Variants in ADGRB3 observed in about 807,000 individuals in gnomAD.
ADGRB3 encodes brain-specific angiogenesis inhibitor 3.
ADGRB3 carries 37 observed loss-of-function variants against 193.4 expected under a neutral mutation model. That is an observed-to-expected ratio of 0.19 (90% CI 0.15 to 0.25). The LOEUF is 0.25. ADGRB3 is among the 10% of genes least tolerant of loss of function. The pLI is 1.00. For synonymous variants in ADGRB3, 690 were observed against 644.2 expected (o/e 1.07, Z -1.08); for missense variants, 1,637 against 1,852.9 (o/e 0.88, Z 2.14).
At chr6:69,305,327 GT>G (rs1157949029) in intron 20 of ADGRB3, among the ~76,000 whole-genome samples, 5 of 151,618 alleles carry the variant, frequency 3.3e-5, no homozygotes, top group Non-Finnish European at 7.4e-5. Context: ...CCACAAAGCT[GT>G]TATTACTCAC....
At chr6:69,071,955 A>C (rs1469848522) in intron 16 of ADGRB3, among the ~76,000 whole-genome samples, 1 of 152,130 alleles carries the variant, frequency 6.6e-6, no homozygotes, top group Non-Finnish European at 1.5e-5. Flanking sequence ...CTTTGAGAAA[A>C]GTAACTGAAA....
At chr6:69,104,219 ATGTTCCCCTTCC>A (rs1773146975) in intron 17 of ADGRB3, among the ~76,000 whole-genome samples, 1 of 126,988 alleles carries the variant, frequency 7.9e-6, no homozygotes, top group Non-Finnish European at 1.6e-5. Flanking sequence ...CCAGAGTGTG[ATGTTCCCCTTCC>A]TGTGTCCATG....
intron 3 of ADGRB3, among the ~76,000 whole-genome samples, chr6:68,740,822 G>A (rs531385419): frequency 4.4e-4 from 67 of 152,252 alleles, no homozygotes; most frequent in African/African-American, 1.2e-3. Flanking sequence ...GGGCAAAACC[G>A]TTTGTTTCAT....
chr6:69,086,023 T>C (rs1271402484), intron 17 of ADGRB3, among the ~76,000 whole-genome samples: 2 of 151,996 alleles, frequency 1.3e-5, no homozygotes, highest in African/African-American at 4.8e-5. Flanking sequence ...ATGATTTTCA[T>C]TTGATATAAT....
At chr6:69,129,093 G>A (rs1446647410) in intron 17 of ADGRB3, among the ~76,000 whole-genome samples, 1 of 152,166 alleles carries the variant, frequency 6.6e-6, no homozygotes, top group East Asian at 1.9e-4. Context: ...CAGTAGCCAT[G>A]TTTTAACCCT....
chr6:69,110,199 G>A (rs1773331929), intron 17 of ADGRB3, among the ~76,000 whole-genome samples: 1 of 152,048 alleles, frequency 6.6e-6, no homozygotes, highest in Admixed American at 6.6e-5. Flanking sequence ...ACCCACCTCA[G>A]TGTCCCAAAG....
chr6:68,792,234 A>G (rs533231121), intron 3 of ADGRB3, among the ~76,000 whole-genome samples: 1 of 152,318 alleles, frequency 6.6e-6, no homozygotes, highest in African/African-American at 2.4e-5. Context: ...AGGTATAGAC[A>G]TCTTTAATGG....
chr6:69,161,050 C>T (rs1774971626), intron 17 of ADGRB3, among the ~76,000 whole-genome samples: 1 of 152,052 alleles, frequency 6.6e-6, no homozygotes, highest in Non-Finnish European at 1.5e-5. Context: ...CTTTCTAAAA[C>T]TTATTTTCCT....
intron 18 of ADGRB3, among the ~76,000 whole-genome samples, chr6:69,233,798 T>C (rs1406346814): frequency 6.6e-6 from 1 of 152,170 alleles, no homozygotes; most frequent in Non-Finnish European, 1.5e-5. Context: ...CCAGACACTA[T>C]AGTGAAACAC....
intron 20 of ADGRB3, among the ~76,000 whole-genome samples, chr6:69,259,849 A>G (rs1179636441): frequency 2.0e-5 from 3 of 152,200 alleles, no homozygotes; most frequent in Admixed American, 2.0e-4. Flanking sequence ...TCAGAGAATA[A>G]TAAAATAATA....
At chr6:68,938,765 T>C (rs771803386) in intron 5 of ADGRB3, among the ~76,000 whole-genome samples, 4 of 152,146 alleles carry the variant, frequency 2.6e-5, no homozygotes, top group Non-Finnish European at 5.9e-5. Context: ...GGAAGAATAC[T>C]TAAAACTGTT....
At chr6:68,715,232 A>G (rs1379714865) in intron 3 of ADGRB3, among the ~76,000 whole-genome samples, 3 of 151,634 alleles carry the variant, frequency 2.0e-5, no homozygotes, top group Non-Finnish European at 4.4e-5. Context: ...GCTGAGGAGT[A>G]TAATAGTTTC....
intron 17 of ADGRB3, among the ~76,000 whole-genome samples, chr6:69,213,626 C>G (rs1158302368): frequency 6.6e-6 from 1 of 152,126 alleles, no homozygotes; most frequent in African/African-American, 2.4e-5. Flanking sequence ...GACAGTACAA[C>G]ATGCGTTTTA....
intron 30 of ADGRB3, among the ~76,000 whole-genome samples, chr6:69,379,272 C>T (rs1235763416): frequency 6.6e-6 from 1 of 151,784 alleles, no homozygotes; most frequent in Non-Finnish European, 1.5e-5. Flanking sequence ...AAACTCAATT[C>T]TAAGTTCAGT....
chr6:69,092,501 A>G (rs314192), intron 17 of ADGRB3, among the ~76,000 whole-genome samples: 2,360 of 152,296 alleles, frequency 0.015, 29 homozygotes, highest in Non-Finnish European at 0.026. Flanking sequence ...CTGCACACAG[A>G]AAGTTATCCA....
rs181422818 is a variant in ADGRB3 at position 68,829,684 on chromosome 6, T to G, written c.758-100875T>G. Among the ~76,000 whole-genome samples, 314 of 152,274 alleles carry G rather than the reference T, an allele frequency of 2.1e-3. 5 individuals are homozygous for G. Among genetic ancestry groups the G allele is most frequent in the African/African-American group, 5.2e-3 (216 of 41,560 alleles). On this transcript the variant is annotated intron_variant, in intron 3 of 31. Coordinates refer to ENST00000370598, the MANE Select transcript of ADGRB3 (RefSeq NM_001704.3). ...TAAAACAAAAAATTTACAAATACAT[T>G]TAGAAATTTCAGGTAATTATTTTTC...
At chr6:69,249,900 G>C (rs1408199830) in intron 20 of ADGRB3, among the ~76,000 whole-genome samples, 1 of 152,172 alleles carries the variant, frequency 6.6e-6, no homozygotes, top group Non-Finnish European at 1.5e-5. Context: ...TGAAATTTAA[G>C]ATGTATGAAA....
intron 3 of ADGRB3, among the ~76,000 whole-genome samples, chr6:68,852,327 C>T (rs1289289480): frequency 6.6e-6 from 1 of 151,926 alleles, no homozygotes; most frequent in Admixed American, 6.5e-5. Context: ...TGTAATTGGG[C>T]TCAGAAGTGT....
At chr6:69,034,187 G>A (rs1053584636) in intron 13 of ADGRB3, among the ~76,000 whole-genome samples, 2 of 151,810 alleles carry the variant, frequency 1.3e-5, no homozygotes, top group African/African-American at 4.8e-5. Flanking sequence ...TGAAGAATCT[G>A]TACTTTTTAT....
Sources: gnomAD v4.1 joint callset for allele counts (sites outside exome capture counted in the v4.1 genomes callset) on GRCh38, gnomAD v4.1.1 for gene constraint, MANE v1.5 for transcripts, NCBI Gene and HGNC (gene_info 2026-07-23, HGNC 2026-07-21) for gene names.